The following NDNF variants were observed in gnomAD, a reference collection of about 807,000 sequenced individuals.
NDNF encodes neuron derived neurotrophic factor, also known as protein NDNF.
NDNF carries 16 observed loss-of-function variants against 42.0 expected under a neutral mutation model. That is an observed-to-expected ratio of 0.38 (90% CI 0.26 to 0.58). The LOEUF is 0.58. Ranked by LOEUF, NDNF falls within the 20% of genes least tolerant of loss-of-function variation. NDNF has a pLI of 0.67. For missense variants in NDNF, 616 were observed against 666.2 expected (o/e 0.92, Z 0.83); for synonymous variants, 248 against 251.7 (o/e 0.99, Z 0.14).
chr4:121,045,781 G>T lies in NDNF; in HGVS notation c.57C>A (p.Thr19=), dbSNP rs758249112. 6.2e-7 allele frequency: 1 copy of T among 1,614,116 alleles called. No individual in the cohort carries two copies. Among genetic ancestry groups the T allele is most frequent in the Non-Finnish European group, 8.5e-7 (1 of 1,180,030 alleles). Residue 19 remains threonine, a synonymous_variant, in exon 2 of 4, where the codon ACC becomes ACA. Transcript: ENST00000379692. ...LWLLFPLSSR[T]QKLPTRDEEL... The stretch of plus-strand genomic sequence containing the variant: ...CCTCATCCCGGGTGGGTAACTTCTG[G>T]GTCCTTGAGCTGAGTGGAAACAGGA...
At chr4:121,047,172 T>C (rs1403212049) in intron 1 of NDNF, among the ~76,000 whole-genome samples, 1 of 152,244 alleles carries the variant, frequency 6.6e-6, no homozygotes, top group African/African-American at 2.4e-5. Flanking sequence ...TAGATTCAGA[T>C]TGCAAAAATA....
chr4:121,065,372 T>C (rs115137500), intron 1 of NDNF, among the ~76,000 whole-genome samples: 1,985 of 151,794 alleles, frequency 0.013, 51 homozygotes, highest in African/African-American at 0.045. Flanking sequence ...ACCTCTGCTT[T>C]ACAAGGTTGA....
intron 1 of NDNF, among the ~76,000 whole-genome samples, chr4:121,065,880 G>C (rs1164747862): frequency 1.3e-5 from 2 of 151,270 alleles, no homozygotes; most frequent in African/African-American, 4.9e-5. Context: ...ATTTCCCATT[G>C]CAGAGATATT....
chr4:121,037,592 A>G lies in NDNF; in HGVS notation c.379T>C (p.Ser127Pro). 1 of 1,610,204 alleles carries G rather than the reference A, an allele frequency of 6.2e-7. No homozygotes were observed. The highest frequency in any genetic ancestry group is 8.5e-7 in the Non-Finnish European group (1 of 1,179,332). Residue 127 changes from serine to proline, a missense_variant, in exon 4 of 4, where the codon TCC (serine) becomes CCC (proline). By Grantham distance (74) the Ser-to-Pro change is moderately conservative (BLOSUM62 -1). Transcript: ENST00000379692. Reference protein sequence around the residue: ...IINEEGTELFSYKGNDVEYFI... With the variant: ...IINEEGTELFPYKGNDVEYFI... The stretch of plus-strand genomic sequence containing the variant: ...TACTCAACATCATTGCCTTTGTAGG[A>G]GAATAACTCAGTGCCTTCCTCATTA...
At chr4:121,066,855 G>A (rs140146315) in intron 1 of NDNF, among the ~76,000 whole-genome samples, 360 of 152,268 alleles carry the variant, frequency 2.4e-3, no homozygotes, top group African/African-American at 8.1e-3. Context: ...TTTAGATTGT[G>A]GAATATATGT....
chr4:121,051,530 T>C (rs1000088347), intron 1 of NDNF, among the ~76,000 whole-genome samples: 1 of 152,164 alleles, frequency 6.6e-6, no homozygotes, highest in Non-Finnish European at 1.5e-5. Context: ...GAGTAATTCA[T>C]TGTATCAATT....
At chr4:121,053,976 G>C (rs933008694) in intron 1 of NDNF, among the ~76,000 whole-genome samples, 8 of 152,176 alleles carry the variant, frequency 5.3e-5, no homozygotes, top group African/African-American at 1.9e-4. Context: ...TTCAGCAACA[G>C]CACGTATCAG....
intron 1 of NDNF, among the ~76,000 whole-genome samples, chr4:121,046,797 A>G (rs1326724758): frequency 1.3e-5 from 2 of 152,236 alleles, no homozygotes; most frequent in Admixed American, 1.3e-4. Flanking sequence ...GTGTTGTCAA[A>G]GACACTGTCT....
intron 1 of NDNF, among the ~76,000 whole-genome samples, chr4:121,059,031 G>A (rs1419477727): frequency 6.6e-6 from 1 of 152,004 alleles, no homozygotes; most frequent in Non-Finnish European, 1.5e-5. Context: ...TCTAGCCTGG[G>A]CACAGGCTAC....
chr4:121,037,178 C>A lies in NDNF; in HGVS notation c.793G>T (p.Glu265Ter). 6.2e-7 allele frequency: 1 copy of A among 1,614,020 alleles called. No homozygotes were observed. The highest frequency in any genetic ancestry group is 8.5e-7 in the Non-Finnish European group (1 of 1,180,016). ...FGFPSDNSGK[E>*]RSFQAKPSPK... is the part of the protein sequence containing the mutation. ...GAAGGCTTTGCCTGGAAACTGCGTT[C>A]TTTACCTGAATTATCAGAAGGAAAT... The change falls in exon 4 of 4, where the codon GAA becomes TAA. Residue 265 changes from glutamate (E) to a stop codon, truncating the protein, a stop_gained. Coordinates refer to ENST00000379692, the MANE Select transcript of NDNF (RefSeq NM_024574.4). LOFTEE classifies it high-confidence loss of function.
rs1268450634 is a variant in NDNF at position 121,036,129 on chromosome 4, C to T, written c.*135G>A. 1 of 742,802 alleles carries T rather than the reference C, an allele frequency of 1.3e-6. No homozygotes were observed. Among genetic ancestry groups the T allele is most frequent in the African/African-American group, 1.8e-5 (1 of 57,086 alleles). The allele number at this position is 742,802 out of a possible 1,614,324, so 46.0% of individuals were successfully genotyped here. A position where few individuals can be genotyped will look rare whatever the true frequency, so the allele number is the denominator to read the frequency against. On this transcript the variant is annotated 3_prime_UTR_variant, in exon 4 of 4. Coordinates refer to ENST00000379692, the MANE Select transcript of NDNF (RefSeq NM_024574.4). ...TTACTTATATAAACATCAATATACA[C>T]ACGTTGATATCCTTCCTTCCATAGT...
chr4:121,054,140 C>A (rs879513692), intron 1 of NDNF, among the ~76,000 whole-genome samples: 1 of 152,074 alleles, frequency 6.6e-6, no homozygotes, highest in Non-Finnish European at 1.5e-5. Flanking sequence ...ATACCAAAAC[C>A]TAAATATGGC....
chr4:121,047,808 G>A (rs1318741310), intron 1 of NDNF, among the ~76,000 whole-genome samples: 2 of 152,214 alleles, frequency 1.3e-5, no homozygotes, highest in Non-Finnish European at 2.9e-5. Flanking sequence ...GCCTTCTTAA[G>A]TTGCCTGAAG....
At chr4:121,040,124 A>T (rs3775915) in intron 2 of NDNF, 70 bp from the exon 3 acceptor site, 314,347 of 1,428,586 alleles carry the variant, frequency 0.22, 36,720 homozygotes, top group Admixed American at 0.35. Context: ...CTTACCAGAA[A>T]AATCATTTGG....
At chr4:121,069,657 T>C (rs1479208699) in intron 1 of NDNF, among the ~76,000 whole-genome samples, 1 of 151,328 alleles carries the variant, frequency 6.6e-6, no homozygotes, top group Non-Finnish European at 1.5e-5. Context: ...CAAGCTGTTA[T>C]GTTTCAAGTG....
intron 2 of NDNF, among the ~76,000 whole-genome samples, chr4:121,043,179 T>G (rs1560604526): frequency 6.6e-6 from 1 of 152,136 alleles, no homozygotes; most frequent in Non-Finnish European, 1.5e-5. Context: ...ACATAATTAA[T>G]AACTAAGGAA....
chr4:121,053,375 T>C (rs1376752307), intron 1 of NDNF, among the ~76,000 whole-genome samples: 3 of 152,234 alleles, frequency 2.0e-5, no homozygotes, highest in Non-Finnish European at 4.4e-5. Context: ...GGCATTCTAA[T>C]TTAAAAGATG....
chr4:121,041,699 A>G (rs1727000775), intron 2 of NDNF, among the ~76,000 whole-genome samples: 1 of 152,204 alleles, frequency 6.6e-6, no homozygotes, highest in African/African-American at 2.4e-5. Flanking sequence ...AGGTATGGGA[A>G]ACTACTCATT....
intron 1 of NDNF, among the ~76,000 whole-genome samples, chr4:121,057,611 C>T (rs1477646930): frequency 2.6e-5 from 4 of 152,278 alleles, no homozygotes; most frequent in South Asian, 4.2e-4. Flanking sequence ...CTCTCCGGCT[C>T]GCCCAGCCAG....
Sources: gnomAD v4.1 joint callset for allele counts (sites outside exome capture counted in the v4.1 genomes callset) on GRCh38, gnomAD v4.1.1 for gene constraint, MANE v1.5 for transcripts, NCBI Gene and HGNC (gene_info 2026-07-23, HGNC 2026-07-21) for gene names.